NTN4: variants seen among roughly 807,000 people sequenced by gnomAD.
The protein encoded by NTN4 is netrin 4, also known as netrin-4.
A neutral mutation model predicts 73.6 loss-of-function variants in NTN4; 32 were observed. The observed-to-expected ratio is 0.44, with a 90% confidence interval of 0.33 to 0.58. NTN4 has a LOEUF of 0.58. NTN4 is among the 20% of genes least tolerant of loss of function. NTN4 has a pLI of 0.04. For synonymous variants in NTN4, 258 were observed against 287.5 expected (o/e 0.90, Z 1.04); for missense variants, 654 against 798.3 (o/e 0.82, Z 2.18).
intron 2 of NTN4, among the ~76,000 whole-genome samples, chr12:95,760,288 A>G (rs1209680178): frequency 6.6e-6 from 1 of 152,136 alleles, no homozygotes; most frequent in Non-Finnish European, 1.5e-5. Flanking sequence ...CTATTCCCAG[A>G]CTCATAGGAA....
chr12:95,710,322 G>GT (rs2078554803), intron 5 of NTN4, 119 bp downstream of exon 5: 1 of 736,312 alleles, frequency 1.4e-6, no homozygotes, highest in Admixed American at 2.9e-5. Context: ...ACCGATATCT[G>GT]TGAGTGTGTT....
In NTN4 at chr12:95,752,495, A is replaced by G. The variant is rs192648803; in HGVS notation, c.586-14351T>C. ...CTTGGACTGACCCTGACACCCATCA[A>G]GCTCAGCAAGTTACCTAGGCTCTAC... is the stretch of plus-strand genomic sequence containing the variant. On this transcript the variant is annotated intron_variant, in intron 2 of 9. Transcript: ENST00000343702. Among the ~76,000 whole-genome samples, 1,299 of 151,108 alleles carry G rather than the reference A, an allele frequency of 8.6e-3. 28 individuals are homozygous for G. Among genetic ancestry groups the G allele is most frequent in the South Asian group, 0.072 (333 of 4,614 alleles).
chr12:95,659,556 C>T (rs963805457), intron 9 of NTN4, among the ~76,000 whole-genome samples: 32 of 152,198 alleles, frequency 2.1e-4, no homozygotes, highest in African/African-American at 7.2e-4. Flanking sequence ...CCTCGGCCTC[C>T]CAAAGTGCTG....
At chr12:95,742,635 C>T (rs2078834981) in intron 2 of NTN4, among the ~76,000 whole-genome samples, 1 of 152,174 alleles carries the variant, frequency 6.6e-6, no homozygotes, top group Admixed American at 6.5e-5. Flanking sequence ...ATATTCAAGG[C>T]CGTCCTGTGG....
At chr12:95,693,735 GA>G (rs11327868) in intron 5 of NTN4, among the ~76,000 whole-genome samples, 97,727 of 118,134 alleles carry the variant, frequency 0.83, 39,651 homozygotes, top group East Asian at 0.98. Flanking sequence ...TGTCTCAATT[GA>G]AAAAAAAAAA....
chr12:95,790,087 T>C lies in NTN4; in HGVS notation c.55+168A>G. 1 of 534,568 alleles carries C rather than the reference T, an allele frequency of 1.9e-6. No individual in the cohort carries two copies. Among genetic ancestry groups the C allele is most frequent in the Non-Finnish European group, 3.3e-6 (1 of 303,644 alleles). 33.1% of individuals were successfully genotyped at this position (534,568 alleles called of 1,614,324 possible). A position where few individuals can be genotyped will look rare whatever the true frequency, so the allele number is the denominator to read the frequency against. On this transcript the variant is annotated intron_variant, in intron 1 of 9. Coordinates refer to ENST00000343702, the MANE Select transcript of NTN4 (RefSeq NM_021229.4). The surrounding 1 kb of genome is among the most constrained non-coding windows in gnomAD (Gnocchi z 6.5). ...AGTTGTAAAAATAAATCAATAGTAT[T>C]TGAAACTGCGGAGCCCCGGGGAAAG...
At chr12:95,661,859 A>G (rs1053933455) in intron 9 of NTN4, among the ~76,000 whole-genome samples, 1 of 152,180 alleles carries the variant, frequency 6.6e-6, no homozygotes, top group Non-Finnish European at 1.5e-5. Flanking sequence ...AAAAGAGTTG[A>G]AGGACTGAAA....
intron 7 of NTN4, among the ~76,000 whole-genome samples, chr12:95,674,266 A>G (rs1193693543): frequency 6.6e-6 from 1 of 152,206 alleles, no homozygotes; most frequent in Non-Finnish European, 1.5e-5. Context: ...TATAAAACCT[A>G]ATGGAACTCC....
chr12:95,760,828 G>A (rs571681164), intron 2 of NTN4, among the ~76,000 whole-genome samples: 1 of 151,966 alleles, frequency 6.6e-6, no homozygotes, highest in Admixed American at 6.6e-5. Context: ...TGGGACTTTT[G>A]GAGTGTCAGA....
chr12:95,713,443 G>C (rs372100921), intron 3 of NTN4, 105 bp from the exon 4 acceptor site: 3 of 1,276,090 alleles, frequency 2.4e-6, no homozygotes. Context: ...GTCATAAGAT[G>C]TTCATTCACT....
rs180931818 is a variant in NTN4, at chr12:95,758,067, A to C, written c.586-19923T>G. 5.7e-3 allele frequency among the ~76,000 whole-genome samples: 869 copies of C among 152,014 alleles called. 26 individuals are homozygous for C. Among genetic ancestry groups the C allele is most frequent in the Admixed American group, 0.051 (783 of 15,306 alleles). On this transcript the variant is annotated intron_variant, in intron 2 of 9. Transcript: ENST00000343702. ...TGTGAACATTCACGCAGAAGTCATT[A>C]TAAGCATGTAAGTTATTTTTCGTGG...
intron 7 of NTN4, among the ~76,000 whole-genome samples, chr12:95,675,515 C>T (rs990123686): frequency 1.3e-5 from 2 of 152,092 alleles, no homozygotes; most frequent in Non-Finnish European, 2.9e-5. Flanking sequence ...TCTCAATCAA[C>T]ACAACTTTGT....
intron 5 of NTN4, among the ~76,000 whole-genome samples, chr12:95,702,738 T>C (rs1485022644): frequency 2.0e-5 from 3 of 152,304 alleles, no homozygotes; most frequent in Admixed American, 6.5e-5. Flanking sequence ...AGACTTAATG[T>C]TGGCACAGGG....
chr12:95,782,869 C>T (rs1212302775), intron 2 of NTN4, among the ~76,000 whole-genome samples: 1 of 152,182 alleles, frequency 6.6e-6, no homozygotes, highest in Non-Finnish European at 1.5e-5. Flanking sequence ...TTTTGGGCCA[C>T]ACTGGAACAG....
At chr12:95,711,526 G>T (rs377101106) in intron 4 of NTN4, among the ~76,000 whole-genome samples, 9 of 152,198 alleles carry the variant, frequency 5.9e-5, no homozygotes, top group African/African-American at 2.2e-4. Flanking sequence ...AATGAGCCTG[G>T]AAGGAAGCTT....
At chr12:95,754,418 A>G (rs999626872) in intron 2 of NTN4, among the ~76,000 whole-genome samples, 32 of 151,974 alleles carry the variant, frequency 2.1e-4, no homozygotes, top group African/African-American at 6.8e-4. Flanking sequence ...CTTCAACACT[A>G]TTTTGTTTTA....
At position 95,770,992 on chromosome 12, in the gene NTN4, G is replaced by GT. The variant is rs762519015; in HGVS notation, c.585+15946dup. 9.2e-4 allele frequency among the ~76,000 whole-genome samples: 65 copies of GT among 70,822 alleles called. 1 individual carries two copies. Among genetic ancestry groups the GT allele is most frequent in the East Asian group, 3.0e-3 (5 of 1,666 alleles). 46.5% of individuals were successfully genotyped at this position (70,822 alleles called of 152,430 possible). A position where few individuals can be genotyped will look rare whatever the true frequency, so the allele number is the denominator to read the frequency against. On this transcript the variant is annotated intron_variant, in intron 2 of 9. Transcript: ENST00000343702. Reference sequence around the variant, plus strand: ...GATGAACCATCCAGGAAAAGAATTTGTTTTTTTTTTTTTTTGAGACAGAGT... The same window carrying GT: ...GATGAACCATCCAGGAAAAGAATTTGTTTTTTTTTTTTTTTTGAGACAGAGT...
intron 5 of NTN4, among the ~76,000 whole-genome samples, chr12:95,699,442 A>G (rs1227644254): frequency 6.6e-6 from 1 of 152,204 alleles, no homozygotes; most frequent in East Asian, 1.9e-4. Context: ...AGGAGGTAAA[A>G]TGAAATAACT....
intron 2 of NTN4, among the ~76,000 whole-genome samples, chr12:95,754,561 G>A (rs2078934436): frequency 6.6e-6 from 1 of 152,068 alleles, no homozygotes; most frequent in Non-Finnish European, 1.5e-5. Flanking sequence ...GAAGTGAAAA[G>A]GCCCTGCCCC....
Sources: allele counts gnomAD v4.1 joint callset (sites outside exome capture counted in the v4.1 genomes callset), GRCh38; gene constraint gnomAD v4.1.1; non-coding constraint Gnocchi (gnomAD v3.1); transcripts MANE v1.5; gene names NCBI Gene and HGNC (gene_info 2026-07-23, HGNC 2026-07-21).